ZBBX: variants seen among roughly 807,000 people sequenced by gnomAD.
ZBBX encodes the protein zinc finger B-box domain-containing protein 1.
In ZBBX, 101 loss-of-function variants were observed where a neutral mutation model predicts 108.5. That is an observed-to-expected ratio of 0.93 (90% CI 0.79 to 1.10). The LOEUF is 1.10. ZBBX is among the 50% of genes least tolerant of loss of function. The pLI is 0.00. For synonymous variants in ZBBX, 356 were observed against 323.4 expected (o/e 1.10, Z -1.08); for missense variants, 1,009 against 941.4 (o/e 1.07, Z -0.94).
the ZBBX span, among the ~76,000 whole-genome samples, chr3:167,197,813 C>T: frequency 6.6e-6 from 1 of 152,108 alleles, no homozygotes; most frequent in African/African-American, 2.4e-5. Flanking sequence ...AAGTATATTA[C>T]TTTCTAATGT....
intron 8 of ZBBX, among the ~76,000 whole-genome samples, chr3:167,359,440 A>G (rs1744150350): frequency 1.3e-5 from 2 of 152,154 alleles, no homozygotes; most frequent in Admixed American, 1.3e-4. Context: ...TTAAAAAAAT[A>G]GACAATGGGA....
At chr3:167,188,736 C>T in the ZBBX span, among the ~76,000 whole-genome samples, 3 of 152,118 alleles carry the variant, frequency 2.0e-5, no homozygotes, top group Admixed American at 2.0e-4. Flanking sequence ...CTGCCAGTTG[C>T]TTTAGTTAAA....
At chr3:167,348,551 A>G (rs927291762) in intron 9 of ZBBX, among the ~76,000 whole-genome samples, 1 of 151,966 alleles carries the variant, frequency 6.6e-6, no homozygotes, top group African/African-American at 2.4e-5. Flanking sequence ...TTTGGAGACT[A>G]TTTCAAAATG....
the ZBBX span, among the ~76,000 whole-genome samples, chr3:167,186,644 C>G: frequency 6.6e-5 from 10 of 152,026 alleles, no homozygotes; most frequent in Admixed American, 6.5e-4. Context: ...AGCACAGATT[C>G]AAAATAAATG....
chr3:167,360,639 C>A, intron 7 of ZBBX, 36 bp downstream of exon 7: 1 of 1,205,230 alleles, frequency 8.3e-7, no homozygotes. Flanking sequence ...AAAGGGATGT[C>A]TTTAGCATTT....
At chr3:167,357,484 T>A (rs1743771940) in intron 8 of ZBBX, among the ~76,000 whole-genome samples, 1 of 152,014 alleles carries the variant, frequency 6.6e-6, no homozygotes. Flanking sequence ...AGAATGGGAA[T>A]CCAGTGATTC....
intron 1 of ZBBX, among the ~76,000 whole-genome samples, chr3:167,406,036 C>A (rs1748574383): frequency 6.6e-6 from 1 of 152,082 alleles, no homozygotes; most frequent in African/African-American, 2.4e-5. Context: ...TGCTCTCCAG[C>A]CTGGGTTGCA....
chr3:167,199,766 C>G, the ZBBX span, among the ~76,000 whole-genome samples: 28 of 152,264 alleles, frequency 1.8e-4, no homozygotes, highest in East Asian at 4.6e-3. Flanking sequence ...TGAAGATATC[C>G]TCCATAGGGT....
At chr3:167,272,977 C>T (rs1051004618) in intron 20 of ZBBX, among the ~76,000 whole-genome samples, 1 of 152,160 alleles carries the variant, frequency 6.6e-6, no homozygotes, top group African/African-American at 2.4e-5. Context: ...TATTCTCATT[C>T]CCACCTCTAC....
At chr3:167,262,010 C>T (rs1480533044) in intron 20 of ZBBX, among the ~76,000 whole-genome samples, 1 of 152,182 alleles carries the variant, frequency 6.6e-6, no homozygotes, top group Non-Finnish European at 1.5e-5. Context: ...ACCCAACAAG[C>T]TCCCAGGGCC....
the ZBBX span, among the ~76,000 whole-genome samples, chr3:167,188,303 AAGAT>A: frequency 6.6e-6 from 1 of 152,158 alleles, no homozygotes; most frequent in Non-Finnish European, 1.5e-5. Context: ...CAGATAAAAA[AAGAT>A]AGATATAAAA....
intron 1 of ZBBX, among the ~76,000 whole-genome samples, chr3:167,387,035 G>C (rs2108635189): frequency 6.6e-6 from 1 of 152,058 alleles, no homozygotes; most frequent in Non-Finnish European, 1.5e-5. Flanking sequence ...TATTTCAAAA[G>C]ATTTGTCACA....
chr3:167,365,176 T>C (rs1745145467), intron 6 of ZBBX, among the ~76,000 whole-genome samples: 1 of 151,766 alleles, frequency 6.6e-6, no homozygotes, highest in Admixed American at 6.6e-5. Flanking sequence ...CCAAAAACTT[T>C]AGAAGCGCCA....
intron 9 of ZBBX, among the ~76,000 whole-genome samples, chr3:167,338,499 T>C (rs1490795924): frequency 6.6e-6 from 1 of 151,676 alleles, no homozygotes; most frequent in Non-Finnish European, 1.5e-5. Context: ...ATAATCATGT[T>C]GACATAGCCA....
At chr3:167,275,218 T>C (rs1275162100) in intron 20 of ZBBX, among the ~76,000 whole-genome samples, 2 of 152,152 alleles carry the variant, frequency 1.3e-5, no homozygotes, top group African/African-American at 4.8e-5. Flanking sequence ...TATATATTCT[T>C]CTATGTTTAC....
At chr3:167,314,520 AGTAT>A (rs1735115777) in intron 15 of ZBBX, among the ~76,000 whole-genome samples, 1 of 152,354 alleles carries the variant, frequency 6.6e-6, no homozygotes, top group Middle Eastern at 3.4e-3. Flanking sequence ...GTTTAAAAGC[AGTAT>A]GTGATATTTA....
chr3:167,382,442 T>C (rs76381270), upstream of ZBBX, among the ~76,000 whole-genome samples: 3,029 of 152,278 alleles, frequency 0.02, 105 homozygotes, highest in African/African-American at 0.07. Flanking sequence ...AAGAGCACAG[T>C]ATTCCTGAGG....
At chr3:167,303,864 T>C (rs529614207) in intron 17 of ZBBX, among the ~76,000 whole-genome samples, 10 of 152,292 alleles carry the variant, frequency 6.6e-5, no homozygotes, top group Admixed American at 6.5e-4. Flanking sequence ...TGTTTTTATT[T>C]ATATTGTTCA....
At chr3:167,352,013 A>G (rs1204554993) in intron 8 of ZBBX, among the ~76,000 whole-genome samples, 1 of 152,058 alleles carries the variant, frequency 6.6e-6, no homozygotes, top group Non-Finnish European at 1.5e-5. Context: ...ACCCCTCCTT[A>G]TCACAGCCAG....
Sources: gnomAD v4.1 joint callset for allele counts (sites outside exome capture counted in the v4.1 genomes callset) on GRCh38, gnomAD v4.1.1 for gene constraint, MANE v1.5 for transcripts, NCBI Gene and HGNC (gene_info 2026-07-23, HGNC 2026-07-21) for gene names.